SEMA4D: variants seen among roughly 807,000 people sequenced by gnomAD.
SEMA4D encodes the protein semaphorin-4D.
SEMA4D carries 22 observed loss-of-function variants against 74.8 expected under a neutral mutation model. The ratio of observed to expected loss-of-function variants is 0.29; its 90% CI spans 0.21 to 0.42. The LOEUF is 0.42. SEMA4D is among the 10% of genes least tolerant of loss of function. The probability of loss-of-function intolerance (pLI) is 1.00; values close to 1 mark genes in which losing one functional copy is unlikely to be tolerated. For synonymous variants in SEMA4D, 445 were observed against 463.7 expected (o/e 0.96, Z 0.52); for missense variants, 937 against 1,118.4 (o/e 0.84, Z 2.31).
chr9:89,386,734 A>G (rs1032120863), intron 12 of SEMA4D: 2 of 393,880 alleles, frequency 5.1e-6, no homozygotes, highest in African/African-American at 2.1e-5. Context: ...GGTTGACCCC[A>G]AGAATCCTCA....
chr9:89,428,926 C>A (rs1275896704), intron 2 of SEMA4D, among the ~76,000 whole-genome samples: 1 of 152,232 alleles, frequency 6.6e-6, no homozygotes, highest in South Asian at 2.1e-4. Context: ...TGGACCCTGC[C>A]AACCACACCA....
At chr9:89,488,352 CTTTTTT>C (rs1158168446) in intron 1 of SEMA4D, among the ~76,000 whole-genome samples, 1 of 62,590 alleles carries the variant, frequency 1.6e-5, no homozygotes. Context: ...GATCACAGAT[CTTTTTT>C]TTTTTTTTTT....
In SEMA4D at chr9:89,484,992, G is replaced by A. The variant is rs1420528162; in HGVS notation, c.-310+12927C>T. On this transcript the variant is annotated intron_variant, in intron 1 of 15. Coordinates refer to ENST00000422704, the MANE Select transcript of SEMA4D (RefSeq NM_001371194.2). This position sits in a 1 kb window ranked among gnomAD's most constrained non-coding sequence, Gnocchi z 4.1. ...GAGGCATATGTGTGTAGTATGTTGT[G>A]TGTGTGTGTGTGTGTGTGTTCCAGA... Among the ~76,000 whole-genome samples the A allele has an allele frequency of 1.0e-5, 1 of 100,062 alleles. No homozygotes were observed. The highest frequency in any genetic ancestry group is 2.5e-5 in the Non-Finnish European group (1 of 39,336). The allele number at this position is 100,062 out of a possible 152,430, so 65.6% of individuals were successfully genotyped here. A position where few individuals can be genotyped will look rare whatever the true frequency, so the allele number is the denominator to read the frequency against.
rs74786848 is a variant in SEMA4D at position 89,492,415 on chromosome 9, C to G, written c.-310+5504G>C. Among the ~76,000 whole-genome samples, 1 of 152,112 alleles carries G rather than the reference C, an allele frequency of 6.6e-6. No homozygotes were observed. The highest frequency in any genetic ancestry group is 1.5e-5 in the Non-Finnish European group (1 of 68,022). On this transcript the variant is annotated intron_variant, in intron 1 of 15. Transcript: ENST00000422704. This position sits in a 1 kb window ranked among gnomAD's most constrained non-coding sequence, Gnocchi z 4.3. Reference sequence around the variant, plus strand: ...CTCCCTAGTGGTCTCATCCAAACTCCCTTTCAAAATGTCATCTCTATAGCT... The same window carrying G: ...CTCCCTAGTGGTCTCATCCAAACTCGCTTTCAAAATGTCATCTCTATAGCT...
intron 1 of SEMA4D, among the ~76,000 whole-genome samples, chr9:89,462,607 G>A (rs868554567): frequency 4.0e-5 from 6 of 151,580 alleles, no homozygotes; most frequent in Admixed American, 1.3e-4. Context: ...ACCAGTCTAC[G>A]GCAAACAACT....
At position 89,379,649 on chromosome 9, in the gene SEMA4D, G is replaced by A. The variant is rs557759680; in HGVS notation, c.1664-20C>T. The A allele has an allele frequency of 3.3e-5, 52 of 1,587,338 alleles. No homozygotes were observed. In the Admixed American group the frequency reaches 3.7e-4, roughly 11 times the overall value. ...TTTTATCTGGAACATCAAAATAAAC[G>A]TGCACAGCGTCAACAATCCCCATTT... On this transcript the variant is annotated intron_variant, in intron 15 of 15. Coordinates refer to ENST00000422704, the MANE Select transcript of SEMA4D (RefSeq NM_001371194.2).
chr9:89,404,231 T>C (rs12339772), intron 3 of SEMA4D, among the ~76,000 whole-genome samples: 149,721 of 152,360 alleles, frequency 0.98, 73,671 homozygotes, highest in Non-Finnish European at 1. Context: ...GGACGAGCAT[T>C]CTTATGATGC....
At chr9:89,420,880 G>C (rs1045137266) in intron 2 of SEMA4D, among the ~76,000 whole-genome samples, 10 of 152,252 alleles carry the variant, frequency 6.6e-5, no homozygotes, top group Non-Finnish European at 1.2e-4. Flanking sequence ...TGACTAATCA[G>C]TTAATGCTTC....
At chr9:89,444,806 T>A (rs778733767) in intron 2 of SEMA4D, among the ~76,000 whole-genome samples, 20 of 151,968 alleles carry the variant, frequency 1.3e-4, no homozygotes, top group Non-Finnish European at 2.8e-4. Flanking sequence ...AATGAGTTAA[T>A]CTGGACAGCA....
chr9:89,423,750 T>C (rs1375814225), intron 2 of SEMA4D, among the ~76,000 whole-genome samples: 12 of 130,176 alleles, frequency 9.2e-5, no homozygotes, highest in Non-Finnish European at 1.5e-4. Context: ...CCCCCGGCTA[T>C]TACCTCAGCA....
Position 89,473,575 on chromosome 9 carries a change from G to A in SEMA4D, c.-309-17622C>T, listed in dbSNP as rs192726384. The stretch of plus-strand genomic sequence containing the variant: ...AATGAGACCCTGTCTCAAAAACAAC[G>A]GCCGGGCATGGTGCCTCATGCCTGT... On this transcript the variant is annotated intron_variant, in intron 1 of 15. Transcript: ENST00000422704. Among the ~76,000 whole-genome samples the A allele has an allele frequency of 4.5e-3, 689 of 152,234 alleles. 6 individuals carry two copies. Among genetic ancestry groups the A allele is most frequent in the African/African-American group, 0.016 (644 of 41,524 alleles).
intron 12 of SEMA4D, 86 bp downstream of exon 12, chr9:89,387,300 G>T: frequency 8.3e-7 from 1 of 1,207,406 alleles, no homozygotes; most frequent in Non-Finnish European, 1.2e-6. Context: ...AACTACTCAC[G>T]AAAGAATAAT....
At chr9:89,450,160 T>C in intron 2 of SEMA4D, 3 of 1,278,584 alleles carry the variant, frequency 2.3e-6, no homozygotes, top group Non-Finnish European at 2.3e-6. Flanking sequence ...GAAAAAACCA[T>C]TACCCAGATT....
chr9:89,417,272 G>C (rs1845913334), intron 2 of SEMA4D, among the ~76,000 whole-genome samples: 1 of 152,174 alleles, frequency 6.6e-6, no homozygotes, highest in Admixed American at 6.5e-5. Flanking sequence ...TAAGAAAACA[G>C]AGCTCCCACC....
At chr9:89,495,912 T>C (rs1471309901) in intron 1 of SEMA4D, among the ~76,000 whole-genome samples, 2 of 151,952 alleles carry the variant, frequency 1.3e-5, no homozygotes, top group Non-Finnish European at 2.9e-5. Context: ...GCATTATTGA[T>C]TTTGCTGTTG....
chr9:89,434,096 C>A (rs1849870844), intron 2 of SEMA4D, among the ~76,000 whole-genome samples: 1 of 152,210 alleles, frequency 6.6e-6, no homozygotes, highest in African/African-American at 2.4e-5. Context: ...ACCACGCATA[C>A]CACATTGTCT....
Position 89,381,393 on chromosome 9 carries a change from C to T in SEMA4D, c.1447-47G>A. The stretch of plus-strand genomic sequence containing the variant: ...GAACTAGCATCAGGCAAGCAGGCAT[C>T]CAGGAGCATGGCCTCTGCTTCTGCA... On this transcript the variant is annotated intron_variant, in intron 13 of 15. Transcript: ENST00000422704. The surrounding 1 kb of genome is among the most constrained non-coding windows in gnomAD (Gnocchi z 4.6). 1 of 1,440,198 alleles carries T rather than the reference C, an allele frequency of 6.9e-7. No homozygotes were observed. The highest frequency in any genetic ancestry group is 9.2e-7 in the Non-Finnish European group (1 of 1,089,788). The allele number at this position is 1,440,198 out of a possible 1,614,324, so 89.2% of individuals were successfully genotyped here.
At chr9:89,363,643 C>A (rs1833109285) in intron 17 of SEMA4D, 2 of 1,590,716 alleles carry the variant, frequency 1.3e-6, no homozygotes, top group Non-Finnish European at 1.7e-6. Flanking sequence ...CAGAATGCCA[C>A]CGTGCAAGCA....
intron 5 of SEMA4D, among the ~76,000 whole-genome samples, chr9:89,397,080 C>A (rs79212050): frequency 0.037 from 5,627 of 152,236 alleles, 158 homozygotes; most frequent in South Asian, 0.11. Context: ...GACCCCAACC[C>A]CACCCCTAGG....
Sources: gnomAD v4.1 joint callset for allele counts (sites outside exome capture counted in the v4.1 genomes callset) on GRCh38, gnomAD v4.1.1 for gene constraint, Gnocchi (gnomAD v3.1) non-coding constraint, MANE v1.5 for transcripts, NCBI Gene and HGNC (gene_info 2026-07-23, HGNC 2026-07-21) for gene names.